ZBTB26: variants seen among roughly 807,000 people sequenced by gnomAD.
ZBTB26 encodes the protein zinc finger and BTB domain containing 26.
Under a neutral mutation model 31.6 loss-of-function variants are expected in ZBTB26, and 12 were observed. The ratio of observed to expected loss-of-function variants is 0.38; its 90% CI spans 0.24 to 0.61. The LOEUF (loss-of-function observed/expected upper bound fraction) is 0.61, where lower values mean the gene tolerates loss of function less well. Among genes scored for constraint, ZBTB26 ranks in the 20% least tolerant of loss-of-function variants. ZBTB26 has a pLI of 0.60. For missense variants in ZBTB26, 311 were observed against 521.9 expected, an observed-to-expected ratio of 0.60 and a Z score of 3.94; for synonymous variants, 155 against 182.9, an observed-to-expected ratio of 0.85 and a Z score of 1.23.
intron 1 of ZBTB26, among the ~76,000 whole-genome samples, chr9:122,922,322 T>C (rs1400258895): frequency 4.6e-5 from 7 of 152,224 alleles, no homozygotes; most frequent in Admixed American, 3.3e-4. Flanking sequence ...GGCCCTTCCC[T>C]GACCGCTTAA....
intron 1 of ZBTB26, among the ~76,000 whole-genome samples, chr9:122,925,058 AG>A (rs1325881227): frequency 1.3e-5 from 2 of 152,210 alleles, no homozygotes; most frequent in Non-Finnish European, 2.9e-5. Flanking sequence ...GCTACATTTC[AG>A]GTATAGATGT....
rs1554778683 is a variant in ZBTB26 at position 122,924,615 on chromosome 9, C to CTTTTTTTTTTTTTTTTTTTTTTT, written c.-10-4672_-10-4671insAAAAAAAAAAAAAAAAAAAAAAA. Among the ~76,000 whole-genome samples, 2 of 9,366 alleles carry CTTTTTTTTTTTTTTTTTTTTTTT rather than the reference C, an allele frequency of 2.1e-4. 1 individual carries two copies. Among genetic ancestry groups the CTTTTTTTTTTTTTTTTTTTTTTT allele is most frequent in the Non-Finnish European group, 1.3e-3 (2 of 1,558 alleles). 6.1% of individuals were successfully genotyped at this position (9,366 alleles called of 152,430 possible). On this transcript the variant is annotated intron_variant, in intron 1 of 1. Coordinates refer to ENST00000373656, the MANE Select transcript of ZBTB26 (RefSeq NM_020924.4). ...TTGGCAATATAAAACCAAATTTCAA[C>CTTTTTTTTTTTTTTTTTTTTTTT]TTTCTTTTTTTTTTTTTTTTTTGAG...
In ZBTB26 at chr9:122,915,758, C is replaced by G. The variant is rs1036791150; in HGVS notation, c.*2851G>C. On this transcript the variant is annotated 3_prime_UTR_variant, in exon 2 of 2. Transcript: ENST00000373656. ...ATTTATAGATCTGCTAATAAAGAAA[C>G]TTAAATTAAAATCATATCTGATTTA... 12 of 152,164 alleles carry G rather than the reference C, an allele frequency of 7.9e-5. No homozygotes were observed. Among genetic ancestry groups the G allele is most frequent in the African/African-American group, 2.9e-4 (12 of 41,440 alleles). The allele number at this position is 152,164 out of a possible 1,614,324, so 9.4% of individuals were successfully genotyped here.
chr9:122,927,448 A>G (rs1588132363), intron 1 of ZBTB26, among the ~76,000 whole-genome samples: 1 of 152,326 alleles, frequency 6.6e-6, no homozygotes, highest in Admixed American at 6.5e-5. Context: ...TGTATAATAA[A>G]TTCTTAAGCT....
rs1833016725 is a variant in ZBTB26, at chr9:122,916,305, A to G, written c.*2304T>C. The G allele has an allele frequency of 1.3e-5, 2 of 152,236 alleles. No homozygotes were observed. Among genetic ancestry groups the G allele is most frequent in the Admixed American group, 1.3e-4 (2 of 15,274 alleles). The allele number at this position is 152,236 out of a possible 1,614,324, so 9.4% of individuals were successfully genotyped here. A position where few individuals can be genotyped will look rare whatever the true frequency, so the allele number is the denominator to read the frequency against. ...TGAGACTTTGTTTCACTAAGACCAC[A>G]TGAGACTATAAGCTCCATGAGGGCA... On this transcript the variant is annotated 3_prime_UTR_variant, in exon 2 of 2. Transcript: ENST00000373656.
At chr9:122,928,704 C>T (rs1032242299) in intron 1 of ZBTB26, among the ~76,000 whole-genome samples, 6 of 152,100 alleles carry the variant, frequency 3.9e-5, no homozygotes, top group African/African-American at 1.4e-4. Flanking sequence ...AATCCCAATC[C>T]CCATGGCCAA....
chr9:122,923,140 C>T (rs1432954181), intron 1 of ZBTB26, among the ~76,000 whole-genome samples: 2 of 146,052 alleles, frequency 1.4e-5, no homozygotes, highest in Non-Finnish European at 3.0e-5. Context: ...GCCGAGATTG[C>T]GCCTCTGCAC....
At position 122,916,037 on chromosome 9, in the gene ZBTB26, TA is replaced by T. The variant is rs1275961438; in HGVS notation, c.*2571del. 1 of 152,132 alleles carries T rather than the reference TA, an allele frequency of 6.6e-6. No individual in the cohort carries two copies. The highest frequency in any genetic ancestry group is 1.9e-4 in the East Asian group (1 of 5,198). 9.4% of individuals were successfully genotyped at this position (152,132 alleles called of 1,614,324 possible). A position where few individuals can be genotyped will look rare whatever the true frequency, so the allele number is the denominator to read the frequency against. ...AACTTGACTTCTTTGCAATATAATCTAACAAACACGTATAAGCAAAGAAGGA... is the reference window on the plus strand; with the variant it reads ...AACTTGACTTCTTTGCAATATAATCTACAAACACGTATAAGCAAAGAAGGA... On this transcript the variant is annotated 3_prime_UTR_variant, in exon 2 of 2. Coordinates refer to ENST00000373656, the MANE Select transcript of ZBTB26 (RefSeq NM_020924.4).
Position 122,918,485 on chromosome 9 carries a change from T to C in ZBTB26, c.*124A>G. 1 of 1,435,664 alleles carries C rather than the reference T, an allele frequency of 7.0e-7. No homozygotes were observed. Among genetic ancestry groups the C allele is most frequent in the Non-Finnish European group, 9.3e-7 (1 of 1,078,224 alleles). The allele number at this position is 1,435,664 out of a possible 1,614,324, so 88.9% of individuals were successfully genotyped here. ...TAAGTTGCCTGGTCTATTAGTGCTT[T>C]GACTCACTCCCTACCACCTACACAG... is the stretch of plus-strand genomic sequence containing the variant. On this transcript the variant is annotated 3_prime_UTR_variant, in exon 2 of 2. Coordinates refer to ENST00000373656, the MANE Select transcript of ZBTB26 (RefSeq NM_020924.4).
At chr9:122,923,052 C>T (rs183080573) in intron 1 of ZBTB26, among the ~76,000 whole-genome samples, 5 of 151,894 alleles carry the variant, frequency 3.3e-5, no homozygotes, top group South Asian at 4.2e-4. Flanking sequence ...GGCATGGTGG[C>T]GGGCGCCTAT....
At chr9:122,930,370 T>C (rs1396794540) in intron 1 of ZBTB26, among the ~76,000 whole-genome samples, 2 of 152,222 alleles carry the variant, frequency 1.3e-5, no homozygotes, top group Non-Finnish European at 2.9e-5. Context: ...TCATCTCCAG[T>C]ATATTTGTCT....
At position 122,918,601 on chromosome 9, in the gene ZBTB26, G is replaced by GC. The variant is rs762576736; in HGVS notation, c.*7dup. ...AGTCAGTTCGAGTTGTGAGCATGAA[G>GC]CCCCTACTCAATTCACACAAGTACT... On this transcript the variant is annotated 3_prime_UTR_variant, in exon 2 of 2. Coordinates refer to ENST00000373656, the MANE Select transcript of ZBTB26 (RefSeq NM_020924.4). 1 of 1,604,258 alleles carries GC rather than the reference G, an allele frequency of 6.2e-7. No homozygotes were observed. The highest frequency in any genetic ancestry group is 1.1e-5 in the South Asian group (1 of 89,590).
At chr9:122,925,322 T>C (rs1054299458) in intron 1 of ZBTB26, among the ~76,000 whole-genome samples, 1 of 152,120 alleles carries the variant, frequency 6.6e-6, no homozygotes, top group Admixed American at 6.6e-5. Context: ...CAGTGAGCCA[T>C]GATCATGCCA....
At chr9:122,921,884 T>C (rs979231673) in intron 1 of ZBTB26, among the ~76,000 whole-genome samples, 6 of 149,182 alleles carry the variant, frequency 4.0e-5, no homozygotes, top group African/African-American at 1.5e-4. Flanking sequence ...TGAGTCAAGA[T>C]TGCACCACTG....
chr9:122,927,247 T>C (rs1393386388), intron 1 of ZBTB26, among the ~76,000 whole-genome samples: 2 of 152,258 alleles, frequency 1.3e-5, no homozygotes, highest in Admixed American at 1.3e-4. Flanking sequence ...TCTTCATTTA[T>C]ATTTATACAA....
chr9:122,930,021 C>A (rs75145210), intron 1 of ZBTB26, among the ~76,000 whole-genome samples: 92 of 152,240 alleles, frequency 6.0e-4, no homozygotes, highest in Middle Eastern at 3.4e-3. Context: ...CCCTCCCCCC[C>A]CAAATTTCCT....
chr9:122,927,705 T>C (rs1280920066), intron 1 of ZBTB26, among the ~76,000 whole-genome samples: 1 of 152,214 alleles, frequency 6.6e-6, no homozygotes, highest in East Asian at 1.9e-4. Flanking sequence ...ATATACAGAA[T>C]GTATTCTTCT....
Position 122,919,247 on chromosome 9 carries a change from T to C in ZBTB26, c.688A>G (p.Ser230Gly). The C allele has an allele frequency of 6.2e-7, 1 of 1,614,226 alleles. No individual in the cohort carries two copies. Among genetic ancestry groups the C allele is most frequent in the Non-Finnish European group, 8.5e-7 (1 of 1,180,032 alleles). Residue 230 changes from serine to glycine, a missense_variant, in exon 2 of 2, where the codon AGT (serine) becomes GGT (glycine). By Grantham distance (56) the Ser-to-Gly change is moderately conservative. Around this residue, in one of 5 missense-constraint regions of ZBTB26, gnomAD observed 207 missense variants for 298.6 expected, o/e 0.69. Coordinates refer to ENST00000373656, the MANE Select transcript of ZBTB26 (RefSeq NM_020924.4). This position sits in a 1 kb window ranked among gnomAD's most constrained non-coding sequence, Gnocchi z 6.1. ...LINSTVENRVSEIEQNHLHNY... is the reference protein window; with the variant it reads ...LINSTVENRVGEIEQNHLHNY... ...TGGAGATGGTTTTGTTCTATTTCAC[T>C]TACTCTGTTTTCCACAGTTGAATTT... is the stretch of plus-strand genomic sequence containing the variant.
rs555164956 is a variant in ZBTB26 at position 122,919,997 on chromosome 9, G to T, written c.-10-53C>A. The T allele has an allele frequency of 3.3e-6, 5 of 1,514,376 alleles. No individual in the cohort carries two copies. The highest frequency in any genetic ancestry group is 2.8e-5 in the African/African-American group (2 of 71,574). 93.8% of individuals were successfully genotyped at this position (1,514,376 alleles called of 1,614,324 possible). ...AATTTAAGGAAACTCAGACAATTAA[G>T]AAAGCTGGATCTACCTTCCAAAAAC... On this transcript the variant is annotated intron_variant, in intron 1 of 1. Coordinates refer to ENST00000373656, the MANE Select transcript of ZBTB26 (RefSeq NM_020924.4). This position sits in a 1 kb window ranked among gnomAD's most constrained non-coding sequence, Gnocchi z 6.1.
Sources: allele counts gnomAD v4.1 joint callset (sites outside exome capture counted in the v4.1 genomes callset), GRCh38; gene constraint gnomAD v4.1.1; regional missense constraint gnomAD v4.1.1; non-coding constraint Gnocchi (gnomAD v3.1); transcripts MANE v1.5; gene names NCBI Gene and HGNC (gene_info 2026-07-23, HGNC 2026-07-21).